The following TULP4 variants were observed in gnomAD, a reference collection of about 807,000 sequenced individuals.
The protein encoded by TULP4 is TUB like protein 4, also known as tubby-related protein 4.
In TULP4, 16 loss-of-function variants were observed where a neutral mutation model predicts 129.0. The ratio of observed to expected loss-of-function variants is 0.12; its 90% confidence interval spans 0.08 to 0.19. The LOEUF is 0.19. TULP4 is among the 10% of genes least tolerant of loss of function. The pLI, the probability that TULP4 is intolerant of heterozygous loss-of-function variation, is 1.00. For synonymous variants in TULP4, 998 were observed against 854.0 expected (o/e 1.17, Z -2.94); for missense variants, 1,842 against 2,059.1 (o/e 0.89, Z 2.04).
At chr6:158,505,866 T>TTTTTTTC (rs1780588767) in intron 13 of TULP4, among the ~76,000 whole-genome samples, 1 of 152,136 alleles carries the variant, frequency 6.6e-6, no homozygotes, top group Admixed American at 6.5e-5. Flanking sequence ...CATTCTTTTT[T>TTTTTTTC]TTTTTTCTTT....
At chr6:158,233,633 A>G (rs1355468926) in intron 1 of TULP4, among the ~76,000 whole-genome samples, 1 of 152,188 alleles carries the variant, frequency 6.6e-6, no homozygotes, top group Non-Finnish European at 1.5e-5. Context: ...CCACACTGCA[A>G]TCCAGAGAGG....
At chr6:158,473,587 C>G (rs1335869467) in intron 6 of TULP4, among the ~76,000 whole-genome samples, 1 of 152,192 alleles carries the variant, frequency 6.6e-6, no homozygotes, top group African/African-American at 2.4e-5. Flanking sequence ...GGCGCGATCT[C>G]AGCTCACTGC....
At chr6:158,445,148 A>G (rs1348211905) in intron 3 of TULP4, among the ~76,000 whole-genome samples, 4 of 152,118 alleles carry the variant, frequency 2.6e-5, no homozygotes, top group African/African-American at 2.4e-5. Context: ...CAGTGAGTAT[A>G]TACAAGGCTG....
intron 1 of TULP4, among the ~76,000 whole-genome samples, chr6:158,321,099 T>C (rs1332001202): frequency 6.6e-6 from 1 of 152,194 alleles, no homozygotes; most frequent in Non-Finnish European, 1.5e-5. Flanking sequence ...GTGCTTTCTT[T>C]CCTTATTCTA....
At chr6:158,404,777 A>C (rs1777940295) in intron 1 of TULP4, among the ~76,000 whole-genome samples, 2 of 13,526 alleles carry the variant, frequency 1.5e-4, no homozygotes, top group African/African-American at 1.0e-3. Context: ...TCTGTCTCAA[A>C]AAAAAAAAAA....
intron 1 of TULP4, among the ~76,000 whole-genome samples, chr6:158,351,707 C>CTT (rs1160814801): frequency 0.21 from 10,453 of 50,548 alleles, 3,806 homozygotes; most frequent in African/African-American, 0.24. Context: ...TGTTGTTAAA[C>CTT]TTTTTTTTTT....
chr6:158,281,846 T>G (rs1010207583), upstream of TULP4, among the ~76,000 whole-genome samples: 5 of 152,348 alleles, frequency 3.3e-5, no homozygotes, highest in Non-Finnish European at 7.3e-5. Flanking sequence ...CACCATCTGA[T>G]GACTCTTCCG....
rs1285429061 is a variant in TULP4, at chr6:158,502,125, G to T, written c.2462G>T (p.Ser821Ile). The change falls in exon 13 of 14, where the codon AGT becomes ATT. Residue 821 changes from serine to isoleucine, a missense_variant. Ser to Ile is a moderately radical substitution (Grantham distance 142). Around this residue, in one of 5 missense-constraint regions of TULP4, gnomAD observed 1,089 missense variants for 987.1 expected, o/e 1.10. Coordinates refer to ENST00000367097, the MANE Select transcript of TULP4 (RefSeq NM_020245.5). The part of the protein sequence containing the change: ...LAAEGDAVVF[S>I]APQEVQVTKI... ...GCTGAGGGGGACGCAGTGGTCTTTA[G>T]TGCCCCCCAGGAGGTCCAGGTGACG... 4.4e-6 allele frequency: 7 copies of T among 1,607,110 alleles called. No homozygotes were observed. The Admixed American group carries it at 1.0e-4, about 23-fold the overall frequency.
chr6:158,334,799 C>G (rs376727053), intron 1 of TULP4, among the ~76,000 whole-genome samples: 1 of 152,164 alleles, frequency 6.6e-6, no homozygotes. Flanking sequence ...GGGTGAAACC[C>G]TCAAGGATGG....
intron 1 of TULP4, among the ~76,000 whole-genome samples, chr6:158,350,737 G>A (rs1044404812): frequency 1.3e-5 from 2 of 151,398 alleles, no homozygotes; most frequent in Non-Finnish European, 3.0e-5. Flanking sequence ...AAGGAAGAGG[G>A]GAGAGGGGAG....
chr6:158,476,027 CCCCA>C (rs373999505), intron 6 of TULP4, among the ~76,000 whole-genome samples: 11 of 152,176 alleles, frequency 7.2e-5, no homozygotes, highest in African/African-American at 2.7e-4. Context: ...TCATTCATTT[CCCCA>C]GGTCAGTGAT....
At chr6:158,352,554 G>A (rs766750872) in intron 1 of TULP4, among the ~76,000 whole-genome samples, 2 of 152,110 alleles carry the variant, frequency 1.3e-5, no homozygotes, top group Non-Finnish European at 2.9e-5. Flanking sequence ...CCACCACCAC[G>A]CCTGGCTAAT....
At chr6:158,275,573 G>A (rs1250062605) in intron 1 of TULP4, among the ~76,000 whole-genome samples, 1 of 152,188 alleles carries the variant, frequency 6.6e-6, no homozygotes, top group Non-Finnish European at 1.5e-5. Flanking sequence ...ACCCACGGCA[G>A]CGCTTTGTCA....
At chr6:158,247,417 A>G (rs1040375747) in intron 1 of TULP4, among the ~76,000 whole-genome samples, 2 of 152,248 alleles carry the variant, frequency 1.3e-5, no homozygotes, top group African/African-American at 4.8e-5. Context: ...GGAACACTAC[A>G]TTCTAAAGAC....
intron 1 of TULP4, among the ~76,000 whole-genome samples, chr6:158,391,990 G>A (rs769683675): frequency 3.9e-5 from 6 of 152,090 alleles, no homozygotes; most frequent in South Asian, 2.1e-4. Context: ...CCATTTTCAC[G>A]CTGTTAAATG....
chr6:158,356,280 C>T (rs1359504147), intron 1 of TULP4, among the ~76,000 whole-genome samples: 3 of 152,038 alleles, frequency 2.0e-5, no homozygotes, highest in African/African-American at 4.8e-5. Context: ...TAGGGGGTCC[C>T]AAGCTTTAAG....
chr6:158,246,708 A>G (rs1583672150), intron 1 of TULP4, among the ~76,000 whole-genome samples: 2 of 152,318 alleles, frequency 1.3e-5, no homozygotes, highest in African/African-American at 4.8e-5. Flanking sequence ...GGATTTAAAA[A>G]TTTATGCCCT....
rs765101141 is a variant in TULP4, at chr6:158,413,230, C to T, written c.381+37C>T. 33 of 1,588,420 alleles carry T rather than the reference C, an allele frequency of 2.1e-5. No individual in the cohort carries two copies. The East Asian group carries it at 4.7e-4, about 23-fold the overall frequency. The stretch of plus-strand genomic sequence containing the variant: ...GCGCAGCTCTGCCAGTGAAGGGCTG[C>T]GGGGTAGAGGACTCCCAGACAGGCA... On this transcript the variant is annotated intron_variant, in intron 2 of 13. Transcript: ENST00000367097. This position sits in a 1 kb window ranked among gnomAD's most constrained non-coding sequence, Gnocchi z 4.9.
intron 5 of TULP4, among the ~76,000 whole-genome samples, chr6:158,459,958 C>G (rs560131873): frequency 6.6e-6 from 1 of 152,286 alleles, no homozygotes; most frequent in South Asian, 2.1e-4. Flanking sequence ...CTCTAGCTTC[C>G]CCTCGCATTT....
Sources: gnomAD v4.1 joint callset for allele counts (sites outside exome capture counted in the v4.1 genomes callset) on GRCh38, gnomAD v4.1.1 for gene constraint, gnomAD v4.1.1 regional missense constraint, Gnocchi (gnomAD v3.1) non-coding constraint, MANE v1.5 for transcripts, NCBI Gene and HGNC (gene_info 2026-07-23, HGNC 2026-07-21) for gene names.